The following NCALD variants were observed in gnomAD, a reference collection of about 807,000 sequenced individuals.
NCALD encodes the protein neurocalcin-delta.
Under a neutral mutation model 18.6 loss-of-function variants are expected in NCALD, and 10 were observed. That is an observed-to-expected ratio of 0.54 (90% confidence interval 0.33 to 0.91). NCALD has a LOEUF of 0.91. NCALD is among the 40% of genes least tolerant of loss of function. The pLI, the probability that NCALD is intolerant of heterozygous loss-of-function variation, is 0.03. For missense variants in NCALD, 184 were observed against 247.6 expected, an observed-to-expected ratio of 0.74 and a Z score of 1.72; for synonymous variants, 88 against 87.4, an observed-to-expected ratio of 1.01 and a Z score of -0.04.
At chr8:101,705,633 G>T (rs1815479506) in intron 2 of NCALD, among the ~76,000 whole-genome samples, 1 of 152,150 alleles carries the variant, frequency 6.6e-6, no homozygotes, top group Admixed American at 6.5e-5. Context: ...GACCTCCAAA[G>T]TCAGATCATA....
Position 102,009,020 on chromosome 8 carries a change from C to T in NCALD, c.-157+11217G>A, listed in dbSNP as rs573840521. Among the ~76,000 whole-genome samples, 30 of 149,108 alleles carry T rather than the reference C, an allele frequency of 2.0e-4. No individual in the cohort carries two copies. In the South Asian group the frequency reaches 4.3e-3, roughly 21 times the overall value. On this transcript the variant is annotated intron_variant, in intron 2 of 6. Transcript: ENST00000311028. ...TTGTCTCTCCTATACCTTCAATCCT[C>T]TAATTCAAAAAATAAAAAAGTGGAG...
chr8:102,023,723 T>C (rs1335791706), intron 1 of NCALD, among the ~76,000 whole-genome samples: 2 of 152,170 alleles, frequency 1.3e-5, no homozygotes, highest in South Asian at 2.1e-4. Flanking sequence ...GGATTTGCCA[T>C]AGAAAAATGA....
Position 101,687,935 on chromosome 8 carries a change from T to C in NCALD, c.*1374A>G, listed in dbSNP as rs1031019696. 6 of 152,314 alleles carry C rather than the reference T, an allele frequency of 3.9e-5. No homozygotes were observed. Among genetic ancestry groups the C allele is most frequent in the South Asian group, 2.1e-4 (1 of 4,834 alleles). The allele number at this position is 152,314 out of a possible 1,614,324, so 9.4% of individuals were successfully genotyped here. ...ATGGAAAATACTTTTGGATTCTCCATAGGGGGGCCTTGGAAACCACAGACA... is the reference window on the plus strand; with the variant it reads ...ATGGAAAATACTTTTGGATTCTCCACAGGGGGGCCTTGGAAACCACAGACA... On this transcript the variant is annotated 3_prime_UTR_variant, in exon 4 of 4. Coordinates refer to ENST00000220931, the MANE Select transcript of NCALD (RefSeq NM_032041.3).
intron 3 of NCALD, among the ~76,000 whole-genome samples, chr8:101,887,577 G>A (rs939222350): frequency 1.3e-5 from 2 of 151,232 alleles, no homozygotes; most frequent in African/African-American, 4.9e-5. Flanking sequence ...ATTCAGGAAG[G>A]ATTATAAACA....
At chr8:101,962,569 C>T (rs1157038435) in intron 2 of NCALD, among the ~76,000 whole-genome samples, 4 of 152,148 alleles carry the variant, frequency 2.6e-5, no homozygotes, top group Non-Finnish European at 5.9e-5. Flanking sequence ...TTCAAAGTCC[C>T]TAGACCAGTA....
intron 1 of NCALD, among the ~76,000 whole-genome samples, chr8:101,736,075 AC>A (rs1357849948): frequency 6.6e-6 from 1 of 152,144 alleles, no homozygotes; most frequent in Non-Finnish European, 1.5e-5. Flanking sequence ...GGAGACTCAA[AC>A]CAGGCAAGCC....
intron 1 of NCALD, among the ~76,000 whole-genome samples, chr8:101,778,879 G>C (rs1368665398): frequency 1.3e-5 from 2 of 152,004 alleles, no homozygotes; most frequent in Non-Finnish European, 2.9e-5. Flanking sequence ...AACCTGAAGA[G>C]GAATAATAAT....
Position 101,688,801 on chromosome 8 carries a change from G to C in NCALD, c.*508C>G. The stretch of plus-strand genomic sequence containing the variant: ...AGAGAGGGGAGTGGGCCCCCATGGG[G>C]AAATGTCCCAGCTCGCTGGAATAGC... On this transcript the variant is annotated 3_prime_UTR_variant, in exon 4 of 4. Transcript: ENST00000220931. 1 of 618,166 alleles carries C rather than the reference G, an allele frequency of 1.6e-6. No individual in the cohort carries two copies. Among genetic ancestry groups the C allele is most frequent in the South Asian group, 1.5e-5 (1 of 65,316 alleles). 38.3% of individuals were successfully genotyped at this position (618,166 alleles called of 1,614,324 possible).
intron 2 of NCALD, among the ~76,000 whole-genome samples, chr8:101,965,104 T>G (rs2131867327): frequency 6.6e-6 from 1 of 152,234 alleles, no homozygotes; most frequent in South Asian, 2.1e-4. Context: ...CATTAAAAAG[T>G]CAATAAACAA....
At chr8:102,104,718 T>C (rs1457201123) in intron 1 of NCALD, among the ~76,000 whole-genome samples, 2 of 152,190 alleles carry the variant, frequency 1.3e-5, no homozygotes, top group Non-Finnish European at 2.9e-5. Context: ...TTTCTTGTAA[T>C]ACTAACATGT....
rs190729486 is a variant in NCALD at position 101,705,382 on chromosome 8, C to T, written c.379-12486G>A. Among the ~76,000 whole-genome samples, 312 of 152,110 alleles carry T rather than the reference C, an allele frequency of 2.1e-3. 1 individual carries two copies. Among genetic ancestry groups the T allele is most frequent in the African/African-American group, 6.2e-3 (256 of 41,478 alleles). Reference sequence around the variant, plus strand: ...TTACTCTGGCATCAGTGGGGAAAACCGAATTGGGGAAGGACCTGATCGGAG... The same window carrying T: ...TTACTCTGGCATCAGTGGGGAAAACTGAATTGGGGAAGGACCTGATCGGAG... On this transcript the variant is annotated intron_variant, in intron 2 of 3. Coordinates refer to ENST00000220931, the MANE Select transcript of NCALD (RefSeq NM_032041.3).
At chr8:102,106,159 T>TC (rs1825439330) in intron 1 of NCALD, among the ~76,000 whole-genome samples, 1 of 151,520 alleles carries the variant, frequency 6.6e-6, no homozygotes, top group Non-Finnish European at 1.5e-5. Flanking sequence ...AACTTCTGCC[T>TC]CCCAGGTTCA....
At chr8:101,940,784 CA>C (rs1818927238) in intron 2 of NCALD, among the ~76,000 whole-genome samples, 1 of 151,820 alleles carries the variant, frequency 6.6e-6, no homozygotes, top group Non-Finnish European at 1.5e-5. Flanking sequence ...ATGAAAAAAA[CA>C]GAATAAAAAT....
intron 4 of NCALD, among the ~76,000 whole-genome samples, chr8:101,882,032 C>T (rs552897453): frequency 5.9e-5 from 9 of 152,244 alleles, no homozygotes; most frequent in African/African-American, 1.7e-4. Context: ...GCAATGTCTT[C>T]AGATGGTTGT....
chr8:101,794,598 G>T (rs905642903), upstream of NCALD, among the ~76,000 whole-genome samples: 14 of 152,160 alleles, frequency 9.2e-5, no homozygotes, highest in Non-Finnish European at 1.9e-4. Context: ...GTTGATGTTG[G>T]AAAATTTTTA....
chr8:101,931,935 A>G lies in NCALD; in HGVS notation c.-156-16077T>C, dbSNP rs1418955139. On this transcript the variant is annotated intron_variant, in intron 2 of 6. Coordinates refer to the NCALD transcript ENST00000311028. ...TTAGGAGCCCATATCTGTCTTACTCATAGCCCAGGCCCTTAGGAGCACTTG... is the reference window on the plus strand; with the variant it reads ...TTAGGAGCCCATATCTGTCTTACTCGTAGCCCAGGCCCTTAGGAGCACTTG... Among the ~76,000 whole-genome samples the G allele has an allele frequency of 2.0e-5, 3 of 152,142 alleles. No homozygotes were observed. The East Asian group carries it at 5.8e-4, about 29-fold the overall frequency.
In NCALD at chr8:101,902,287, TTTTTA is replaced by T. The variant is rs1489946687; in HGVS notation, c.-107+13517_-107+13521del. Among the ~76,000 whole-genome samples, 27 of 63,956 alleles carry T rather than the reference TTTTTA, an allele frequency of 4.2e-4. No homozygotes were observed. The African/African-American group carries it at 5.7e-3, about 13-fold the overall frequency. The allele number at this position is 63,956 out of a possible 152,430, so 42.0% of individuals were successfully genotyped here. On this transcript the variant is annotated intron_variant, in intron 3 of 6. Coordinates refer to the NCALD transcript ENST00000311028. ...CATCCACTGAGTTTTTTTTTTTTTT[TTTTTA>T]ACTTCATTTTCCTAGAAATTGGAAA...
At chr8:102,003,987 C>G (rs1445958937) in intron 2 of NCALD, among the ~76,000 whole-genome samples, 2 of 151,816 alleles carry the variant, frequency 1.3e-5, no homozygotes, top group African/African-American at 4.8e-5. Context: ...GATGCCCTCT[C>G]TCACCACTCC....
intron 2 of NCALD, among the ~76,000 whole-genome samples, chr8:101,942,762 A>G (rs1260083695): frequency 1.3e-5 from 2 of 152,192 alleles, no homozygotes; most frequent in Non-Finnish European, 2.9e-5. Flanking sequence ...AGGCATTGAG[A>G]GGTTCATTAG....
Sources: allele counts gnomAD v4.1 joint callset (sites outside exome capture counted in the v4.1 genomes callset), GRCh38; gene constraint gnomAD v4.1.1; transcripts MANE v1.5; gene names NCBI Gene and HGNC (gene_info 2026-07-23, HGNC 2026-07-21).